Variants in PRKN observed in about 807,000 individuals in gnomAD.
PRKN encodes the protein E3 ubiquitin-protein ligase parkin.
Under a neutral mutation model 59.5 loss-of-function variants are expected in PRKN, and 56 were observed. The ratio of observed to expected loss-of-function variants is 0.94; its 90% CI spans 0.76 to 1.18. PRKN has a LOEUF of 1.18. Ranked by LOEUF, PRKN falls within the 50% of genes most tolerant of loss-of-function variation. The pLI is 0.00. For missense variants in PRKN, 657 were observed against 596.4 expected, an observed-to-expected ratio of 1.10 and a Z score of -1.06; for synonymous variants, 250 against 222.1, an observed-to-expected ratio of 1.13 and a Z score of -1.12.
chr6:161,913,024 A>G (rs1778424020), intron 6 of PRKN, among the ~76,000 whole-genome samples: 1 of 151,998 alleles, frequency 6.6e-6, no homozygotes, highest in African/African-American at 2.4e-5. Context: ...TAAAAATACA[A>G]AAAATTAGCC....
intron 7 of PRKN, among the ~76,000 whole-genome samples, chr6:161,656,636 T>C (rs1210298196): frequency 1.3e-5 from 2 of 152,112 alleles, no homozygotes; most frequent in Non-Finnish European, 2.9e-5. Flanking sequence ...CAAATCTCTG[T>C]CTCTAGCCCC....
rs1583110620 is a variant in PRKN, at chr6:161,470,113, T to C, written c.1083+78741A>G. ...GAAAGTGAGCCACAGAGAAGTTAAT[T>C]TGCTCAAAATTGCATAGCTAGGAAG... On this transcript the variant is annotated intron_variant, in intron 9 of 11. Transcript: ENST00000366898. The surrounding 1 kb of genome is among the most constrained non-coding windows in gnomAD (Gnocchi z 5.1). Among the ~76,000 whole-genome samples the C allele has an allele frequency of 2.0e-5, 3 of 152,304 alleles. No homozygotes were observed. The highest frequency in any genetic ancestry group is 2.1e-4 in the South Asian group (1 of 4,822).
At chr6:161,570,866 G>C (rs1052973393) in intron 7 of PRKN, among the ~76,000 whole-genome samples, 13 of 152,138 alleles carry the variant, frequency 8.5e-5, no homozygotes, top group African/African-American at 3.1e-4. Context: ...GCCAGTATAT[G>C]CTTAATATCA....
intron 1 of PRKN, chr6:162,568,612 A>G (rs2128208045): frequency 2.2e-6 from 2 of 892,924 alleles, no homozygotes; most frequent in South Asian, 1.3e-5. Context: ...CTCAACAACA[A>G]GTTTGCCTCC....
At position 162,163,620 on chromosome 6, in the gene PRKN, T is replaced by C. The variant is rs945763246; in HGVS notation, c.534+37511A>G. On this transcript the variant is annotated intron_variant, in intron 4 of 11. Coordinates refer to ENST00000366898, the MANE Select transcript of PRKN (RefSeq NM_004562.3). ...AGCCAGAAATCATTCTTCTAAAAAA[T>C]AGTTTTAAGCAGAACAATGATCTAG... Among the ~76,000 whole-genome samples, 16 of 149,054 alleles carry C rather than the reference T, an allele frequency of 1.1e-4. 1 individual carries two copies. Among genetic ancestry groups the C allele is most frequent in the East Asian group, 1.9e-4 (1 of 5,158 alleles).
intron 5 of PRKN, among the ~76,000 whole-genome samples, chr6:161,993,004 T>C (rs1454574559): frequency 1.3e-5 from 2 of 151,846 alleles, no homozygotes; most frequent in African/African-American, 4.8e-5. Context: ...ATCAAAAAAG[T>C]AGAAAGACTT....
chr6:162,310,276 C>T (rs79657445), intron 2 of PRKN, among the ~76,000 whole-genome samples: 2,794 of 152,254 alleles, frequency 0.018, 48 homozygotes, highest in Non-Finnish European at 0.032. Flanking sequence ...GCCAGGTGGC[C>T]TCTCAACATC....
chr6:162,255,449 G>A (rs1408258647), intron 3 of PRKN, among the ~76,000 whole-genome samples: 1 of 152,112 alleles, frequency 6.6e-6, no homozygotes, highest in Non-Finnish European at 1.5e-5. Context: ...CTGTGGCCTG[G>A]TATGTTTAAA....
At chr6:162,252,786 T>A (rs1779488449) in intron 3 of PRKN, among the ~76,000 whole-genome samples, 1 of 152,262 alleles carries the variant, frequency 6.6e-6, no homozygotes, top group Non-Finnish European at 1.5e-5. Flanking sequence ...CATTTTGTAT[T>A]TTGTCATAGC....
chr6:161,494,201 G>GC (rs149335653), intron 9 of PRKN, among the ~76,000 whole-genome samples: 12,695 of 152,118 alleles, frequency 0.083, 778 homozygotes, highest in African/African-American at 0.17. Flanking sequence ...AATAGCAAAT[G>GC]CCCACTGGGT....
At chr6:161,963,394 T>C (rs566616372) in intron 6 of PRKN, among the ~76,000 whole-genome samples, 2 of 152,260 alleles carry the variant, frequency 1.3e-5, no homozygotes, top group South Asian at 2.1e-4. Context: ...GAAGCTCTGC[T>C]GACGCAGCTG....
At chr6:162,486,732 A>C (rs553969921) in intron 1 of PRKN, among the ~76,000 whole-genome samples, 10 of 152,194 alleles carry the variant, frequency 6.6e-5, no homozygotes, top group Non-Finnish European at 1.2e-4. Flanking sequence ...GTAAGACACC[A>C]TATGGAGCAT....
chr6:162,166,782 A>T (rs912243036), intron 4 of PRKN, among the ~76,000 whole-genome samples: 2 of 152,166 alleles, frequency 1.3e-5, no homozygotes, highest in African/African-American at 2.4e-5. Context: ...TAGTAGACAG[A>T]TGCTCTAGCT....
intron 9 of PRKN, among the ~76,000 whole-genome samples, chr6:161,398,703 G>A (rs902833271): frequency 6.6e-6 from 1 of 152,182 alleles, no homozygotes; most frequent in East Asian, 1.9e-4. Flanking sequence ...AGCATGTACT[G>A]TGTGTGAATG....
intron 1 of PRKN, among the ~76,000 whole-genome samples, chr6:162,630,841 TA>T (rs749002454): frequency 1.1e-4 from 16 of 152,076 alleles, no homozygotes; most frequent in Non-Finnish European, 2.1e-4. Flanking sequence ...TTCAGAATAA[TA>T]AACTTTGCAA....
intron 7 of PRKN, among the ~76,000 whole-genome samples, chr6:161,674,332 A>C (rs1562599144): frequency 6.6e-6 from 1 of 152,068 alleles, no homozygotes; most frequent in Non-Finnish European, 1.5e-5. Flanking sequence ...CAAATAAATA[A>C]ATTTAAATAA....
chr6:162,061,664 G>A (rs1351300040), intron 4 of PRKN, among the ~76,000 whole-genome samples: 1 of 152,128 alleles, frequency 6.6e-6, no homozygotes, highest in Non-Finnish European at 1.5e-5. Context: ...CAGTGCCGTG[G>A]TTAGAGCAGC....
intron 7 of PRKN, among the ~76,000 whole-genome samples, chr6:161,756,244 T>A (rs950893171): frequency 2.0e-5 from 3 of 151,830 alleles, no homozygotes; most frequent in African/African-American, 7.3e-5. Context: ...GAGTTCGAGA[T>A]CACCGTGGCC....
intron 7 of PRKN, among the ~76,000 whole-genome samples, chr6:161,614,241 C>T (rs935650714): frequency 4.6e-5 from 7 of 152,232 alleles, no homozygotes; most frequent in East Asian, 1.9e-4. Context: ...TAGCTGCATT[C>T]GTGTTTAATG....
Sources: allele counts gnomAD v4.1 joint callset (sites outside exome capture counted in the v4.1 genomes callset), GRCh38; gene constraint gnomAD v4.1.1; non-coding constraint Gnocchi (gnomAD v3.1); transcripts MANE v1.5; gene names NCBI Gene and HGNC (gene_info 2026-07-23, HGNC 2026-07-21).